The following PPP3CA variants were observed in gnomAD, a reference collection of about 807,000 sequenced individuals.
The protein encoded by PPP3CA is protein phosphatase 3 catalytic subunit alpha, also known as CAM-PRP catalytic subunit.
Under a neutral mutation model 66.5 loss-of-function variants are expected in PPP3CA, and 14 were observed. The observed-to-expected ratio is 0.21, with a 90% CI of 0.14 to 0.33. The LOEUF (loss-of-function observed/expected upper bound fraction) is 0.33. Among genes scored for constraint, PPP3CA ranks in the 10% least tolerant of loss-of-function variants. PPP3CA has a pLI of 1.00. For synonymous variants in PPP3CA, 232 were observed against 226.2 expected, an observed-to-expected ratio of 1.03 and a Z score of -0.23; for missense variants, 317 against 639.5, an observed-to-expected ratio of 0.50 and a Z score of 5.44.
chr4:101,189,809 T>C (rs190710829), intron 2 of PPP3CA, among the ~76,000 whole-genome samples: 6 of 151,602 alleles, frequency 4.0e-5, no homozygotes, highest in Admixed American at 3.9e-4. Context: ...CATAGTGTCA[T>C]ACACAAAAAG....
intron 1 of PPP3CA, among the ~76,000 whole-genome samples, chr4:101,340,765 A>G (rs993717385): frequency 6.6e-6 from 1 of 152,168 alleles, no homozygotes; most frequent in Non-Finnish European, 1.5e-5. Flanking sequence ...ACACCTCAGA[A>G]TCACTGGCTG....
chr4:101,327,525 G>T (rs1331359031), intron 1 of PPP3CA, among the ~76,000 whole-genome samples: 13 of 151,082 alleles, frequency 8.6e-5, no homozygotes, highest in African/African-American at 3.2e-4. Flanking sequence ...AAAAATCCAA[G>T]CATGTTTCTT....
intron 1 of PPP3CA, among the ~76,000 whole-genome samples, chr4:101,244,950 G>A (rs981389669): frequency 2.7e-5 from 4 of 148,848 alleles, no homozygotes; most frequent in South Asian, 2.3e-4. Context: ...TTTCATGTGC[G>A]TCACTGACAA....
chr4:101,030,412 C>T (rs1244866073), intron 12 of PPP3CA, among the ~76,000 whole-genome samples: 4 of 152,008 alleles, frequency 2.6e-5, no homozygotes, highest in African/African-American at 9.7e-5. Context: ...GTAGTCTACC[C>T]TTTTAGACAA....
chr4:101,178,969 C>A (rs1012622224), intron 2 of PPP3CA, among the ~76,000 whole-genome samples: 1 of 152,098 alleles, frequency 6.6e-6, no homozygotes, highest in Non-Finnish European at 1.5e-5. Flanking sequence ...ATTTCTATGA[C>A]CCCTGGCTAA....
intron 11 of PPP3CA, among the ~76,000 whole-genome samples, chr4:101,038,554 G>A (rs149633135): frequency 0.015 from 2,303 of 152,076 alleles, 53 homozygotes; most frequent in African/African-American, 0.051. Context: ...ATTTTTAGTA[G>A]AGACAGGGTT....
chr4:101,093,553 C>A (rs190803923), intron 6 of PPP3CA, among the ~76,000 whole-genome samples: 4 of 152,202 alleles, frequency 2.6e-5, no homozygotes, highest in Non-Finnish European at 5.9e-5. Context: ...TAGAATCAAA[C>A]CCTTAACATC....
intron 1 of PPP3CA, among the ~76,000 whole-genome samples, chr4:101,333,303 T>G (rs1578199782): frequency 1.7e-4 from 17 of 98,484 alleles, no homozygotes; most frequent in East Asian, 5.9e-4. Flanking sequence ...TTTTTTTTTT[T>G]TTTTTTGTAG....
intron 1 of PPP3CA, among the ~76,000 whole-genome samples, chr4:101,240,479 C>A (rs557845783): frequency 1.3e-5 from 2 of 152,022 alleles, no homozygotes; most frequent in African/African-American, 4.8e-5. Context: ...AGTTTTGTTC[C>A]CCCCACCCTT....
chr4:101,275,181 G>A (rs138426427), intron 1 of PPP3CA, among the ~76,000 whole-genome samples: 1 of 152,124 alleles, frequency 6.6e-6, no homozygotes, highest in African/African-American at 2.4e-5. Flanking sequence ...ACTCTCTGCA[G>A]CCCTGACTCC....
chr4:101,098,376 A>G lies in PPP3CA; in HGVS notation c.633T>C (p.Asp211=), dbSNP rs746541328. The change falls in exon 5 of 14, where the codon GAT becomes GAC. Residue 211 remains aspartate (D), a synonymous_variant. Coordinates refer to ENST00000394854, the MANE Select transcript of PPP3CA (RefSeq NM_000944.5). ...AAATAACAAAACTTACTTTTCTGAT[A>G]TCATCTAAAGTGTTAATCTCTGGAG... is the stretch of plus-strand genomic sequence containing the variant. The part of the protein sequence containing the change: ...GLSPEINTLD[D]IRKLDRFKEP... The G allele has an allele frequency of 1.3e-6, 2 of 1,598,628 alleles. No homozygotes were observed. The highest frequency in any genetic ancestry group is 2.3e-5 in the South Asian group (2 of 87,152).
At chr4:101,141,663 C>T (rs980638504) in intron 2 of PPP3CA, among the ~76,000 whole-genome samples, 3 of 152,142 alleles carry the variant, frequency 2.0e-5, no homozygotes, top group Non-Finnish European at 4.4e-5. Context: ...CTTGTATTTC[C>T]TACCTGACAC....
intron 2 of PPP3CA, among the ~76,000 whole-genome samples, chr4:101,145,056 A>G (rs188867041): frequency 6.6e-6 from 1 of 152,338 alleles, no homozygotes; most frequent in African/African-American, 2.4e-5. Flanking sequence ...TTAAATAAAA[A>G]AATACTAGAT....
intron 2 of PPP3CA, among the ~76,000 whole-genome samples, chr4:101,131,855 A>AAAACAC (rs1324134276): frequency 6.6e-6 from 1 of 152,234 alleles, no homozygotes; most frequent in African/African-American, 2.4e-5. Flanking sequence ...AATTTGAAGT[A>AAAACAC]AAACACTTCT....
intron 2 of PPP3CA, among the ~76,000 whole-genome samples, chr4:101,124,685 G>GAAAGA (rs1380797823): frequency 8.6e-5 from 7 of 81,080 alleles, no homozygotes; most frequent in African/African-American, 4.0e-4. Context: ...AAGAAAGAAA[G>GAAAGA]AAAGAAAGAA....
intron 1 of PPP3CA, among the ~76,000 whole-genome samples, chr4:101,319,098 G>A (rs1479547065): frequency 6.6e-6 from 1 of 151,022 alleles, no homozygotes; most frequent in African/African-American, 2.4e-5. Context: ...TTTAAAAGCA[G>A]GCAGCCACTT....
chr4:101,057,124 G>A (rs946981514), intron 10 of PPP3CA, among the ~76,000 whole-genome samples: 9 of 151,228 alleles, frequency 6.0e-5, no homozygotes, highest in South Asian at 2.1e-4. Context: ...GTGCAATCAC[G>A]GCTCACTGCA....
intron 10 of PPP3CA, among the ~76,000 whole-genome samples, chr4:101,047,187 A>G (rs1445676906): frequency 6.6e-6 from 1 of 152,136 alleles, no homozygotes; most frequent in African/African-American, 2.4e-5. Flanking sequence ...GCTGTTGGCT[A>G]TGAATTGTGA....
Position 101,069,948 on chromosome 4 carries a change from G to C in PPP3CA, c.956-6591C>G, listed in dbSNP as rs533956397. Among the ~76,000 whole-genome samples, 8 of 152,224 alleles carry C rather than the reference G, an allele frequency of 5.3e-5. No homozygotes were observed. The South Asian group carries it at 1.5e-3, about 28-fold the overall frequency. On this transcript the variant is annotated intron_variant, in intron 8 of 13. Coordinates refer to ENST00000394854, the MANE Select transcript of PPP3CA (RefSeq NM_000944.5). Reference sequence around the variant, plus strand: ...ATCAGGAAGGCTCTGAGCAACAGTAGGCTATTAGTAGTTAAGTTTTTGATG... The same window carrying C: ...ATCAGGAAGGCTCTGAGCAACAGTACGCTATTAGTAGTTAAGTTTTTGATG...
Sources: gnomAD v4.1 joint callset for allele counts (sites outside exome capture counted in the v4.1 genomes callset) on GRCh38, gnomAD v4.1.1 for gene constraint, MANE v1.5 for transcripts, NCBI Gene and HGNC (gene_info 2026-07-23, HGNC 2026-07-21) for gene names.